KCNJ12: variants seen among roughly 807,000 people sequenced by gnomAD.
The protein encoded by KCNJ12 is potassium inwardly rectifying channel subfamily J member 12.
KCNJ12 carries 2 observed loss-of-function variants against 22.3 expected under a neutral mutation model. That is an observed-to-expected ratio of 0.09 (90% CI 0.04 to 0.28). KCNJ12 has a LOEUF of 0.28. Ranked by LOEUF, KCNJ12 falls within the 10% of genes least tolerant of loss-of-function variation. KCNJ12 has a pLI of 1.00. For missense variants in KCNJ12, 155 were observed against 633.3 expected, an observed-to-expected ratio of 0.24 and a Z score of 8.11; for synonymous variants, 117 against 261.4, an observed-to-expected ratio of 0.45 and a Z score of 5.33.
Position 21,418,282 on chromosome 17 carries a change from C to A in KCNJ12, c.*1638C>A, listed in dbSNP as rs1466756041. 3 of 163,978 alleles carry A rather than the reference C, an allele frequency of 1.8e-5. No homozygotes were observed. The highest frequency in any genetic ancestry group is 4.4e-5 in the Non-Finnish European group (3 of 67,946). 10.2% of individuals were successfully genotyped at this position (163,978 alleles called of 1,614,324 possible). The stretch of plus-strand genomic sequence containing the variant: ...GGATGTGTCTCCTGCTCCAACTCTG[C>A]CCCCGAGACAGCTCAGAGCCAGAAG... On this transcript the variant is annotated 3_prime_UTR_variant, in exon 3 of 3. Coordinates refer to ENST00000583088, the MANE Select transcript of KCNJ12 (RefSeq NM_021012.5).
At chr17:21,390,035 C>A (rs2144777474) in intron 1 of KCNJ12, among the ~76,000 whole-genome samples, 1 of 152,272 alleles carries the variant, frequency 6.6e-6, no homozygotes, top group South Asian at 2.1e-4. Context: ...TTTCTCGGGC[C>A]CAGCTCCCAG....
chr17:21,403,473 C>T (rs1264519222), intron 1 of KCNJ12, among the ~76,000 whole-genome samples: 1 of 152,232 alleles, frequency 6.6e-6, no homozygotes, highest in Non-Finnish European at 1.5e-5. Flanking sequence ...ACCTTGTGTC[C>T]TTGCTCTCCT....
At chr17:21,412,822 G>T (rs1452520488) in intron 2 of KCNJ12, among the ~76,000 whole-genome samples, 3 of 152,300 alleles carry the variant, frequency 2.0e-5, no homozygotes, top group African/African-American at 7.2e-5. Context: ...CGCTAGAGGT[G>T]GTTTAAAACT....
chr17:21,406,880 A>G (rs1282496971), intron 1 of KCNJ12, among the ~76,000 whole-genome samples: 2 of 152,288 alleles, frequency 1.3e-5, no homozygotes, highest in African/African-American at 4.8e-5. Context: ...CAGGTGGCTC[A>G]CCGTGGAGAT....
intron 1 of KCNJ12, among the ~76,000 whole-genome samples, chr17:21,401,334 C>T (rs1409286349): frequency 1.3e-5 from 2 of 152,274 alleles, no homozygotes; most frequent in Non-Finnish European, 2.9e-5. Flanking sequence ...AATGCCCAGG[C>T]CAGGCATTGT....
intron 1 of KCNJ12, among the ~76,000 whole-genome samples, chr17:21,387,175 A>G (rs991840920): frequency 6.6e-6 from 1 of 151,342 alleles, no homozygotes; most frequent in African/African-American, 2.4e-5. Flanking sequence ...AACAAAAACA[A>G]AAACAAGAAA....
intron 1 of KCNJ12, among the ~76,000 whole-genome samples, chr17:21,395,138 A>G (rs1555559748): frequency 6.6e-6 from 1 of 151,894 alleles, no homozygotes; most frequent in Non-Finnish European, 1.5e-5. Context: ...CTCTACAAAA[A>G]TGAAACATTA....
intron 1 of KCNJ12, among the ~76,000 whole-genome samples, chr17:21,402,013 T>C (rs797038152): frequency 7.6e-3 from 1,165 of 152,316 alleles, no homozygotes; most frequent in Middle Eastern, 0.014. Context: ...CTGAGCGCCA[T>C]CGACGAAGAG....
chr17:21,395,378 C>G (rs1292258082), intron 1 of KCNJ12, among the ~76,000 whole-genome samples: 1 of 150,262 alleles, frequency 6.7e-6, no homozygotes, highest in Non-Finnish European at 1.5e-5. Flanking sequence ...GTGGATCACT[C>G]GAGGCCAGGA....
At chr17:21,398,815 A>G (rs1555560175) in intron 1 of KCNJ12, among the ~76,000 whole-genome samples, 1 of 152,246 alleles carries the variant, frequency 6.6e-6, no homozygotes, top group African/African-American at 2.4e-5. Context: ...GTGGTGTGAG[A>G]GCAGGCATGT....
At chr17:21,404,534 G>T (rs1237006594) in intron 1 of KCNJ12, among the ~76,000 whole-genome samples, 1 of 152,264 alleles carries the variant, frequency 6.6e-6, no homozygotes, top group East Asian at 1.9e-4. Context: ...TGAAGAGGGA[G>T]ACCCAGAGAG....
chr17:21,379,252 G>T (rs1904780083), intron 1 of KCNJ12, among the ~76,000 whole-genome samples: 1 of 152,238 alleles, frequency 6.6e-6, no homozygotes, highest in Non-Finnish European at 1.5e-5. Context: ...GGCCACAGTT[G>T]GCAGTACCAA....
intron 1 of KCNJ12, among the ~76,000 whole-genome samples, chr17:21,383,771 A>G (rs782418552): frequency 4.6e-5 from 7 of 152,090 alleles, no homozygotes; most frequent in Non-Finnish European, 7.4e-5. Flanking sequence ...TTTTGGCCTC[A>G]TTCCTGAGCT....
chr17:21,390,118 T>C (rs1905172974), intron 1 of KCNJ12, among the ~76,000 whole-genome samples: 2 of 152,088 alleles, frequency 1.3e-5, no homozygotes, highest in South Asian at 4.2e-4. Context: ...GGTAACCACC[T>C]CTTTCACTGA....
rs1369943579 is a variant in KCNJ12 at position 21,410,341 on chromosome 17, A to G, written c.-57+1701A>G. Among the ~76,000 whole-genome samples, 331 of 152,354 alleles carry G rather than the reference A, an allele frequency of 2.2e-3. 2 individuals carry two copies. Among genetic ancestry groups the G allele is most frequent in the African/African-American group, 7.7e-3 (322 of 41,580 alleles). ...GGAAGGGCTGGGCTTTCCAGGCCCCAGTGCTGCATCTGATGAATGGTGCCT... is the reference window on the plus strand; with the variant it reads ...GGAAGGGCTGGGCTTTCCAGGCCCCGGTGCTGCATCTGATGAATGGTGCCT... On this transcript the variant is annotated intron_variant, in intron 2 of 2. Transcript: ENST00000583088.
At chr17:21,410,577 C>T (rs12947297) in intron 2 of KCNJ12, among the ~76,000 whole-genome samples, 4 of 152,420 alleles carry the variant, frequency 2.6e-5, no homozygotes, top group Middle Eastern at 3.4e-3. Context: ...GGTGAGTGGC[C>T]GTGGGTTGGA....
intron 2 of KCNJ12, among the ~76,000 whole-genome samples, chr17:21,411,594 G>T (rs1384506433): frequency 5.9e-5 from 9 of 152,428 alleles, no homozygotes; most frequent in African/African-American, 1.9e-4. Flanking sequence ...ACCTTGTCTT[G>T]GCCCTTGAAT....
At position 21,416,083 on chromosome 17, in the gene KCNJ12, C is replaced by T. The variant is rs781790755; in HGVS notation, c.741C>T (p.Asp247=). 5 of 1,610,780 alleles carry T rather than the reference C, an allele frequency of 3.1e-6. No individual in the cohort carries two copies. The South Asian group carries it at 3.3e-5, about 11-fold the overall frequency. Residue 247 remains aspartate (D), a synonymous_variant, in exon 3 of 3, where the codon GAC becomes GAT. Coordinates refer to ENST00000583088, the MANE Select transcript of KCNJ12 (RefSeq NM_021012.5). ...AGGAGGGCGAGTACATCCCGCTGGACCAGATCGACATCGATGTGGGCTTCG... is the reference window on the plus strand; with the variant it reads ...AGGAGGGCGAGTACATCCCGCTGGATCAGATCGACATCGATGTGGGCTTCG... The part of the protein sequence containing the change: ...VTEEGEYIPL[D]QIDIDVGFDK...
intron 1 of KCNJ12, among the ~76,000 whole-genome samples, chr17:21,387,238 C>T (rs931150379): frequency 1.1e-4 from 16 of 151,726 alleles, no homozygotes; most frequent in Admixed American, 5.2e-4. Context: ...GTCAGGAGAT[C>T]GAGACCATCC....
Sources: gnomAD v4.1 joint callset for allele counts (sites outside exome capture counted in the v4.1 genomes callset) on GRCh38, gnomAD v4.1.1 for gene constraint, MANE v1.5 for transcripts, NCBI Gene and HGNC (gene_info 2026-07-23, HGNC 2026-07-21) for gene names.